LONRF2: variants seen among roughly 807,000 people sequenced by gnomAD.
The protein encoded by LONRF2 is LON peptidase N-terminal domain and ring finger 2.
In LONRF2, 35 loss-of-function variants were observed where a neutral mutation model predicts 66.6. That is an observed-to-expected ratio of 0.53 (90% CI 0.40 to 0.70). The LOEUF is 0.70. Ranked by LOEUF, LONRF2 falls within the 30% of genes least tolerant of loss-of-function variation. LONRF2 has a pLI of 0.00. For missense variants in LONRF2, 902 were observed against 1,002.1 expected (o/e 0.90, Z 1.35); for synonymous variants, 417 against 418.1 (o/e 1.00, Z 0.03).
In LONRF2 at chr2:100,272,100, T is replaced by TTTA. The variant is rs1674511571; in HGVS notation, c.*12195_*12197dup. Among the ~76,000 whole-genome samples, 1 of 152,196 alleles carries TTTA rather than the reference T, an allele frequency of 6.6e-6. No homozygotes were observed. The highest frequency in any genetic ancestry group is 2.4e-5 in the African/African-American group (1 of 41,448). Reference sequence around the variant, plus strand: ...ATAATGACTTGTGAAAACTGAAACTTTTAGTCTATGATTTTTGCCCCATAT... The same window carrying TTTA: ...ATAATGACTTGTGAAAACTGAAACTTTTATTAGTCTATGATTTTTGCCCCATAT... On this transcript the variant is annotated 3_prime_UTR_variant, in exon 12 of 12. Coordinates refer to ENST00000393437, the MANE Select transcript of LONRF2 (RefSeq NM_198461.4).
In LONRF2 at chr2:100,322,116, G is replaced by A; in HGVS notation, c.-23C>T. Reference sequence around the variant, plus strand: ...CATCACCGCGGGGCTGCGACGACGCGGGTCCGGAGCGAAGGCGCGGAGCAG... The same window carrying A: ...CATCACCGCGGGGCTGCGACGACGCAGGTCCGGAGCGAAGGCGCGGAGCAG... On this transcript the variant is annotated 5_prime_UTR_variant, in exon 1 of 12. Coordinates refer to ENST00000393437, the MANE Select transcript of LONRF2 (RefSeq NM_198461.4). 4.0e-6 allele frequency: 5 copies of A among 1,239,670 alleles called. No homozygotes were observed. The highest frequency in any genetic ancestry group is 5.0e-6 in the Non-Finnish European group (5 of 992,512). The allele number at this position is 1,239,670 out of a possible 1,614,324, so 76.8% of individuals were successfully genotyped here. A position where few individuals can be genotyped will look rare whatever the true frequency, so the allele number is the denominator to read the frequency against.
At chr2:100,298,721 G>A in intron 7 of LONRF2, 115 bp downstream of exon 7, 1 of 708,028 alleles carries the variant, frequency 1.4e-6, no homozygotes, top group South Asian at 1.9e-5. Flanking sequence ...TCTTTGATTG[G>A]AGAAATCTCA....
rs200246104 is a variant in LONRF2 at position 100,307,111 on chromosome 2, G to A, written c.798+1996C>T. 9.3e-4 allele frequency among the ~76,000 whole-genome samples: 142 copies of A among 152,048 alleles called. 1 individual carries two copies. Among genetic ancestry groups the A allele is most frequent in the East Asian group, 4.5e-3 (23 of 5,160 alleles). On this transcript the variant is annotated intron_variant, in intron 2 of 11. Coordinates refer to ENST00000393437, the MANE Select transcript of LONRF2 (RefSeq NM_198461.4). ...AATTTTTTGTATTTTTAGTAGACAC[G>A]GGGTGTCACCGTGTTAGCCTGGATG...
intron 1 of LONRF2, among the ~76,000 whole-genome samples, chr2:100,318,033 A>C (rs977732820): frequency 6.6e-6 from 1 of 152,150 alleles, no homozygotes; most frequent in African/African-American, 2.4e-5. Flanking sequence ...ATTCTCAATT[A>C]CTTTTTTCTT....
At chr2:100,290,221 C>A in intron 10 of LONRF2, 37 bp downstream of exon 10, 1 of 1,566,644 alleles carries the variant, frequency 6.4e-7, no homozygotes, top group Non-Finnish European at 8.7e-7. Flanking sequence ...GCGAGAGGAC[C>A]GACTGCTATA....
In LONRF2 at chr2:100,280,010, T is replaced by C. The variant is rs1367282960; in HGVS notation, c.*4288A>G. On this transcript the variant is annotated 3_prime_UTR_variant, in exon 12 of 12. Coordinates refer to ENST00000393437, the MANE Select transcript of LONRF2 (RefSeq NM_198461.4). ...GTCAACGCTGTCAATGGCATCCACC[T>C]TTCTGCGTCCTCAATCAGTTACTTT... 2 of 152,222 alleles carry C rather than the reference T, an allele frequency of 1.3e-5. No homozygotes were observed. Among genetic ancestry groups the C allele is most frequent in the African/African-American group, 4.8e-5 (2 of 41,460 alleles). The allele number at this position is 152,222 out of a possible 1,614,324, so 9.4% of individuals were successfully genotyped here. A position where few individuals can be genotyped will look rare whatever the true frequency, so the allele number is the denominator to read the frequency against.
intron 2 of LONRF2, among the ~76,000 whole-genome samples, chr2:100,303,888 C>CT (rs909624836): frequency 2.2e-4 from 33 of 151,534 alleles, no homozygotes; most frequent in African/African-American, 7.2e-4. Context: ...ATTATTTCTT[C>CT]TTTTTTTTTC....
chr2:100,284,744 T>C (rs1037039126), intron 11 of LONRF2, among the ~76,000 whole-genome samples: 1 of 152,226 alleles, frequency 6.6e-6, no homozygotes, highest in African/African-American at 2.4e-5. Context: ...TTCTATGAAT[T>C]AGTTGCTTCT....
At position 100,299,867 on chromosome 2, in the gene LONRF2, A is replaced by G. The variant is rs777967762; in HGVS notation, c.1117T>C (p.Tyr373His). 6.2e-7 allele frequency: 1 copy of G among 1,612,808 alleles called. No homozygotes were observed. Among genetic ancestry groups the G allele is most frequent in the Non-Finnish European group, 8.5e-7 (1 of 1,178,838 alleles). ...MLGNTNSSVL[Y>H]FILGLHFEED... The stretch of plus-strand genomic sequence containing the variant: ...TCAAAGTGTAGACCCAGTATAAAAT[A>G]CAAAACTGAAGAATTGGTATTTCCA... Residue 373 changes from tyrosine to histidine, a missense_variant, in exon 5 of 12, where the codon TAT (tyrosine) becomes CAT (histidine). Transcript: ENST00000393437.
At chr2:100,285,000 A>C (rs1418146694) in intron 11 of LONRF2, among the ~76,000 whole-genome samples, 1 of 152,258 alleles carries the variant, frequency 6.6e-6, no homozygotes, top group Non-Finnish European at 1.5e-5. Context: ...TAAATTATAT[A>C]TATAAGAATT....
chr2:100,316,328 A>AT (rs1675505848), intron 1 of LONRF2, among the ~76,000 whole-genome samples: 1 of 125,586 alleles, frequency 8.0e-6, no homozygotes, highest in Non-Finnish European at 1.5e-5. Context: ...CAAAAAAAAA[A>AT]AAAAAAAAAA....
chr2:100,272,417 T>C lies in LONRF2; in HGVS notation c.*11881A>G, dbSNP rs565994260. On this transcript the variant is annotated 3_prime_UTR_variant, in exon 12 of 12. Coordinates refer to ENST00000393437, the MANE Select transcript of LONRF2 (RefSeq NM_198461.4). ...AGAAGGTTGAGGCAGGACAATCCTT[T>C]GAACCCAAGAGGTTGAGGCTGCAGT... 3.3e-5 allele frequency among the ~76,000 whole-genome samples: 5 copies of C among 152,292 alleles called. No individual in the cohort carries two copies. The East Asian group carries it at 7.7e-4, about 24-fold the overall frequency.
In LONRF2 at chr2:100,321,863, G is replaced by C; in HGVS notation, c.231C>G (p.Ala77=). ...GCGCGGCGCCGCGGAACGCGCCCAG[G>C]GCTTCGGGGAGGCGGCCGGCGCGGG... ...ALARAGRLPE[A]LGAFRGAARL... Residue 77 remains alanine (A), a synonymous_variant, in exon 1 of 12, where the codon GCC becomes GCG. Coordinates refer to ENST00000393437, the MANE Select transcript of LONRF2 (RefSeq NM_198461.4). 1 of 1,195,984 alleles carries C rather than the reference G, an allele frequency of 8.4e-7. No individual in the cohort carries two copies. The highest frequency in any genetic ancestry group is 1.0e-6 in the Non-Finnish European group (1 of 967,134). 74.1% of individuals were successfully genotyped at this position (1,195,984 alleles called of 1,614,324 possible).
In LONRF2 at chr2:100,315,408, T is replaced by A. The variant is rs181223368; in HGVS notation, c.679+6007A>T. ...TACAAATAATGACAGTTTTTTGTTTTATCTTTTATTTTTCCAATCTTAATA... is the reference window on the plus strand; with the variant it reads ...TACAAATAATGACAGTTTTTTGTTTAATCTTTTATTTTTCCAATCTTAATA... On this transcript the variant is annotated intron_variant, in intron 1 of 11. Coordinates refer to ENST00000393437, the MANE Select transcript of LONRF2 (RefSeq NM_198461.4). Among the ~76,000 whole-genome samples the A allele has an allele frequency of 9.2e-4, 140 of 152,332 alleles. 1 individual carries two copies. Among genetic ancestry groups the A allele is most frequent in the African/African-American group, 3.3e-3 (136 of 41,596 alleles).
rs1357687273 is a variant in LONRF2, at chr2:100,271,936, T to C, written c.*12362A>G. Among the ~76,000 whole-genome samples, 1 of 152,168 alleles carries C rather than the reference T, an allele frequency of 6.6e-6. No individual in the cohort carries two copies. Among genetic ancestry groups the C allele is most frequent in the Non-Finnish European group, 1.5e-5 (1 of 68,040 alleles). On this transcript the variant is annotated 3_prime_UTR_variant, in exon 12 of 12. Coordinates refer to ENST00000393437, the MANE Select transcript of LONRF2 (RefSeq NM_198461.4). ...ATGTCCGTCATCACAGAAAGTTTCA[T>C]CCAACAGTGCTGAAGGAGTTAAGAT...
Position 100,278,695 on chromosome 2 carries a change from A to G in LONRF2, c.*5603T>C, listed in dbSNP as rs1303968755. 6.6e-6 allele frequency: 1 copy of G among 152,182 alleles called. No homozygotes were observed. Among genetic ancestry groups the G allele is most frequent in the African/African-American group, 2.4e-5 (1 of 41,418 alleles). 9.4% of individuals were successfully genotyped at this position (152,182 alleles called of 1,614,324 possible). A position where few individuals can be genotyped will look rare whatever the true frequency, so the allele number is the denominator to read the frequency against. On this transcript the variant is annotated 3_prime_UTR_variant, in exon 12 of 12. Transcript: ENST00000393437. The stretch of plus-strand genomic sequence containing the variant: ...GAGACCCCACGTCTCACATCCCAGA[A>G]GACATTGCCCAGCCCAGCAGCTCAC...
intron 3 of LONRF2, among the ~76,000 whole-genome samples, chr2:100,301,934 T>A (rs967753766): frequency 1.3e-5 from 2 of 152,130 alleles, no homozygotes; most frequent in African/African-American, 4.8e-5. Context: ...AACCAATGAG[T>A]GATACTGGTC....
At chr2:100,294,730 G>A (rs570117684) in intron 8 of LONRF2, among the ~76,000 whole-genome samples, 1 of 152,312 alleles carries the variant, frequency 6.6e-6, no homozygotes, top group East Asian at 1.9e-4. Flanking sequence ...AAGAGTGGAA[G>A]AGTGATAAGA....
intron 5 of LONRF2, 144 bp from the exon 6 acceptor site, chr2:100,299,463 C>T: frequency 1.7e-6 from 1 of 598,564 alleles, no homozygotes; most frequent in Non-Finnish European, 2.9e-6. Flanking sequence ...GCCCAGTTAA[C>T]AGCATACAGC....
Sources: allele counts gnomAD v4.1 joint callset (sites outside exome capture counted in the v4.1 genomes callset), GRCh38; gene constraint gnomAD v4.1.1; transcripts MANE v1.5; gene names NCBI Gene and HGNC (gene_info 2026-07-23, HGNC 2026-07-21).